The following PLXNA2 variants were observed in gnomAD, a reference collection of about 807,000 sequenced individuals.
PLXNA2 encodes plexin A2, also known as plexin-A2.
In PLXNA2, 91 loss-of-function variants were observed where a neutral mutation model predicts 193.5. The observed-to-expected ratio is 0.47, with a 90% CI of 0.40 to 0.56. The LOEUF (loss-of-function observed/expected upper bound fraction) is 0.56. Ranked by LOEUF, PLXNA2 falls within the 20% of genes least tolerant of loss-of-function variation. The pLI is 0.00. For missense variants in PLXNA2, 1,995 were observed against 2,503.2 expected (o/e 0.80, Z 4.33); for synonymous variants, 997 against 1,027.3 (o/e 0.97, Z 0.56).
At chr1:208,050,596 G>T (rs1364726260) in intron 17 of PLXNA2, among the ~76,000 whole-genome samples, 1 of 152,204 alleles carries the variant, frequency 6.6e-6, no homozygotes, top group African/African-American at 2.4e-5. Context: ...ACTTTGGGAG[G>T]CCAAGGCGGG....
intron 3 of PLXNA2, among the ~76,000 whole-genome samples, chr1:208,155,967 A>G (rs868437379): frequency 6.6e-6 from 1 of 152,218 alleles, no homozygotes. Context: ...GGACCTCCCC[A>G]TGAAGCGCAG....
intron 1 of PLXNA2, among the ~76,000 whole-genome samples, chr1:208,219,209 G>C (rs1394640886): frequency 3.3e-5 from 5 of 152,184 alleles, no homozygotes; most frequent in African/African-American, 1.2e-4. Context: ...CAAGGAAGCT[G>C]CCCAGAGGGG....
chr1:208,142,737 C>T (rs1200642094), intron 3 of PLXNA2, among the ~76,000 whole-genome samples: 1 of 152,174 alleles, frequency 6.6e-6, no homozygotes, highest in Non-Finnish European at 1.5e-5. Flanking sequence ...TATCCCTATG[C>T]AGTTATCCTT....
At chr1:208,182,849 C>T (rs558564376) in intron 3 of PLXNA2, among the ~76,000 whole-genome samples, 16 of 152,084 alleles carry the variant, frequency 1.1e-4, no homozygotes, top group South Asian at 4.2e-4. Context: ...CTGAGTGACC[C>T]GGTGAATTAA....
At chr1:208,118,374 G>A (rs1275934148) in intron 4 of PLXNA2, among the ~76,000 whole-genome samples, 2 of 152,174 alleles carry the variant, frequency 1.3e-5, no homozygotes, top group African/African-American at 4.8e-5. Flanking sequence ...AGCCACACAG[G>A]GAAGCCCCTT....
chr1:208,117,601 C>G (rs1027272427), intron 4 of PLXNA2, among the ~76,000 whole-genome samples: 1 of 152,180 alleles, frequency 6.6e-6, no homozygotes, highest in Admixed American at 6.5e-5. Context: ...CTCTTGATGA[C>G]AGCTGCAGCC....
In PLXNA2 at chr1:208,222,389, T is replaced by G. The variant is rs530270534; in HGVS notation, c.-80-4387A>C. ...CCTACTCCAAGTCTCAAACCAGGTA[T>G]GCTGCTCCAGGACTCTCGCCTGAAC... On this transcript the variant is annotated intron_variant, in intron 1 of 31. Coordinates refer to ENST00000367033, the MANE Select transcript of PLXNA2 (RefSeq NM_025179.4). Among the ~76,000 whole-genome samples, 122 of 152,312 alleles carry G rather than the reference T, an allele frequency of 8.0e-4. 3 individuals carry two copies. In the South Asian group the frequency reaches 0.024, roughly 30 times the overall value.
chr1:208,060,850 A>C lies in PLXNA2; in HGVS notation c.2587-13T>G, dbSNP rs554409373. On this transcript the variant is annotated splice_polypyrimidine_tract_variant and intron_variant, in intron 12 of 31. Coordinates refer to ENST00000367033, the MANE Select transcript of PLXNA2 (RefSeq NM_025179.4). ...ACACCGTCAAAATCTGCAGGAGGGAAATGGGATTAGCAATTTGGTTTGGTC... is the reference window on the plus strand; with the variant it reads ...ACACCGTCAAAATCTGCAGGAGGGACATGGGATTAGCAATTTGGTTTGGTC... 111 of 1,613,088 alleles carry C rather than the reference A, an allele frequency of 6.9e-5. 3 individuals carry two copies. The Middle Eastern group carries it at 0.012, about 170-fold the overall frequency.
chr1:208,186,717 T>TTTTTTTTTTG (rs1670014154), intron 3 of PLXNA2, among the ~76,000 whole-genome samples: 2 of 136,304 alleles, frequency 1.5e-5, no homozygotes, highest in South Asian at 2.2e-4. Flanking sequence ...TATTTTATTT[T>TTTTTTTTTTG]TTTTTTTTTT....
intron 3 of PLXNA2, among the ~76,000 whole-genome samples, chr1:208,168,544 G>A (rs1461194804): frequency 1.3e-5 from 2 of 151,928 alleles, no homozygotes; most frequent in Non-Finnish European, 2.9e-5. Flanking sequence ...CCCCCACTTT[G>A]CAGAAGAACA....
intron 9 of PLXNA2, among the ~76,000 whole-genome samples, chr1:208,090,132 G>T (rs1666662143): frequency 6.6e-6 from 1 of 152,172 alleles, no homozygotes; most frequent in Admixed American, 6.5e-5. Flanking sequence ...TTCCTTTCCT[G>T]AGCAAAGTTG....
At chr1:208,056,985 G>C (rs751013982) in intron 13 of PLXNA2, among the ~76,000 whole-genome samples, 4 of 152,088 alleles carry the variant, frequency 2.6e-5, no homozygotes, top group Non-Finnish European at 4.4e-5. Flanking sequence ...GGGTGGAAAG[G>C]GCTTGAAAAT....
At chr1:208,032,702 G>A (rs796775648) in intron 28 of PLXNA2, among the ~76,000 whole-genome samples, 8 of 152,142 alleles carry the variant, frequency 5.3e-5, no homozygotes, top group Admixed American at 4.6e-4. Flanking sequence ...TCAACATTTG[G>A]GGGTAGCTGG....
intron 4 of PLXNA2, among the ~76,000 whole-genome samples, chr1:208,104,993 T>G (rs767914436): frequency 3.3e-5 from 5 of 152,144 alleles, no homozygotes; most frequent in Non-Finnish European, 7.3e-5. Flanking sequence ...TGATGTGACC[T>G]GATAGGGTGA....
chr1:208,194,495 A>C (rs977201798), intron 3 of PLXNA2, among the ~76,000 whole-genome samples: 2 of 148,700 alleles, frequency 1.3e-5, no homozygotes, highest in South Asian at 2.2e-4. Context: ...GAAAAAAAAA[A>C]CATACATGCA....
At chr1:208,085,084 G>GTTT (rs56180457) in intron 9 of PLXNA2, among the ~76,000 whole-genome samples, 5 of 144,804 alleles carry the variant, frequency 3.5e-5, no homozygotes, top group Admixed American at 6.8e-5. Context: ...CACTTGCTCT[G>GTTT]TTTTTTTTTT....
chr1:208,128,175 C>T (rs532776557), intron 4 of PLXNA2, among the ~76,000 whole-genome samples: 25 of 152,318 alleles, frequency 1.6e-4, no homozygotes, highest in African/African-American at 6.0e-4. Context: ...GCCCAGCTGA[C>T]GGCAGGAGCT....
In PLXNA2 at chr1:208,045,150, C is replaced by T. The variant is rs1438203665; in HGVS notation, c.3556G>A (p.Gly1186Arg). The T allele has an allele frequency of 2.5e-6, 4 of 1,613,974 alleles. No individual in the cohort carries two copies. Among genetic ancestry groups the T allele is most frequent in the Non-Finnish European group, 3.4e-6 (4 of 1,180,016 alleles). The change falls in exon 19 of 32, where the codon GGA becomes AGA. Residue 1186 changes from glycine to arginine, a missense_variant. Gly to Arg is a moderately radical substitution (Grantham distance 125). This residue lies in a region of PLXNA2 where 1,291 missense variants were observed against 1,673.6 expected (regional missense o/e 0.77). Coordinates refer to ENST00000367033, the MANE Select transcript of PLXNA2 (RefSeq NM_025179.4). Reference protein sequence around the residue: ...GAKLNYTVLIGETPCAVTVSE... With the variant: ...GAKLNYTVLIRETPCAVTVSE... Reference sequence around the variant, plus strand: ...ACGGTGACAGCACAAGGGGTCTCTCCGATGAGCACAGTGTAGTTGAGTTTG... The same window carrying T: ...ACGGTGACAGCACAAGGGGTCTCTCTGATGAGCACAGTGTAGTTGAGTTTG...
intron 23 of PLXNA2, 92 bp downstream of exon 23, chr1:208,039,900 G>A (rs1664809543): frequency 8.9e-6 from 14 of 1,578,752 alleles, no homozygotes; most frequent in Non-Finnish European, 1.0e-5. Flanking sequence ...TGCTCCCGAG[G>A]GAGGGGGTCC....
Sources: allele counts gnomAD v4.1 joint callset (sites outside exome capture counted in the v4.1 genomes callset), GRCh38; gene constraint gnomAD v4.1.1; regional missense constraint gnomAD v4.1.1; transcripts MANE v1.5; gene names NCBI Gene and HGNC (gene_info 2026-07-23, HGNC 2026-07-21).